PDE5A: variants seen among roughly 807,000 people sequenced by gnomAD.
PDE5A encodes the protein cGMP-specific 3',5'-cyclic phosphodiesterase.
Under a neutral mutation model 110.2 loss-of-function variants are expected in PDE5A, and 67 were observed. The observed-to-expected ratio is 0.61, with a 90% confidence interval of 0.50 to 0.75. The LOEUF (loss-of-function observed/expected upper bound fraction) is 0.75, where lower values mean the gene tolerates loss of function less well. Ranked by LOEUF, PDE5A falls within the 30% of genes least tolerant of loss-of-function variation. The pLI is 0.00. For missense variants in PDE5A, 862 were observed against 1,045.1 expected, an observed-to-expected ratio of 0.82 and a Z score of 2.42; for synonymous variants, 328 against 351.2, an observed-to-expected ratio of 0.93 and a Z score of 0.74.
chr4:119,540,533 C>G (rs1726891235), intron 10 of PDE5A, among the ~76,000 whole-genome samples: 1 of 151,964 alleles, frequency 6.6e-6, no homozygotes, highest in Non-Finnish European at 1.5e-5. Context: ...ATGAGTTAGA[C>G]TAATATTAAC....
At chr4:119,611,105 T>C (rs967023887) in intron 1 of PDE5A, among the ~76,000 whole-genome samples, 1 of 152,200 alleles carries the variant, frequency 6.6e-6, no homozygotes, top group African/African-American at 2.4e-5. Flanking sequence ...TCTCCCCTCA[T>C]TGGCACATGG....
At chr4:119,610,993 C>T (rs1222202261) in intron 1 of PDE5A, among the ~76,000 whole-genome samples, 2 of 152,156 alleles carry the variant, frequency 1.3e-5, no homozygotes, top group African/African-American at 4.8e-5. Flanking sequence ...GAGAATAAAA[C>T]CTGAGCTCTT....
intron 2 of PDE5A, among the ~76,000 whole-genome samples, chr4:119,605,088 G>C (rs1729481744): frequency 6.6e-6 from 1 of 151,982 alleles, no homozygotes; most frequent in Non-Finnish European, 1.5e-5. Flanking sequence ...AAATCATACT[G>C]GTTCCCCTTT....
intron 20 of PDE5A, 138 bp downstream of exon 20, chr4:119,501,032 A>AAAAG (rs1363870478): frequency 2.0e-5 from 12 of 599,040 alleles, no homozygotes; most frequent in Non-Finnish European, 2.6e-5. Flanking sequence ...GTTCATCAGT[A>AAAAG]AAAGAAACCA....
At chr4:119,576,903 G>T (rs1240766582) in intron 3 of PDE5A, among the ~76,000 whole-genome samples, 2 of 152,086 alleles carry the variant, frequency 1.3e-5, no homozygotes, top group Non-Finnish European at 2.9e-5. Context: ...CCAGGAGCTG[G>T]TTTTTTGAAA....
rs201245238 is a variant in PDE5A at position 119,560,307 on chromosome 4, A to G, written c.1188T>C (p.Asp396=). The part of the protein sequence containing the change: ...MECEELEKSS[D]TLTREHDANK... ...ATACGTGCTTTTACCTTGTTAATGT[A>G]TCAGATGATTTTTCTAATTCCTCAC... Residue 396 remains aspartate (D), a synonymous_variant, in exon 7 of 21, where the codon GAT becomes GAC. Coordinates refer to ENST00000354960, the MANE Select transcript of PDE5A (RefSeq NM_001083.4). 7 of 1,579,608 alleles carry G rather than the reference A, an allele frequency of 4.4e-6. No homozygotes were observed. The highest frequency in any genetic ancestry group is 6.0e-6 in the Non-Finnish European group (7 of 1,159,326).
intron 3 of PDE5A, among the ~76,000 whole-genome samples, chr4:119,594,788 G>C (rs762934307): frequency 6.6e-6 from 1 of 152,188 alleles, no homozygotes; most frequent in African/African-American, 2.4e-5. Context: ...TGACTACTGA[G>C]AAGTAACTGA....
chr4:119,587,594 C>A (rs1728808938), intron 3 of PDE5A, among the ~76,000 whole-genome samples: 1 of 152,116 alleles, frequency 6.6e-6, no homozygotes, highest in South Asian at 2.1e-4. Context: ...CCTTGTTAGC[C>A]AGGATGGTCT....
chr4:119,563,574 G>T (rs895324038), intron 5 of PDE5A, among the ~76,000 whole-genome samples: 2 of 152,062 alleles, frequency 1.3e-5, no homozygotes, highest in Non-Finnish European at 2.9e-5. Flanking sequence ...AATCATTCAG[G>T]TGAAATAGGG....
chr4:119,510,314 A>G (rs10008791), intron 15 of PDE5A, among the ~76,000 whole-genome samples: 1 of 151,874 alleles, frequency 6.6e-6, no homozygotes, highest in African/African-American at 2.4e-5. Context: ...GAATTAGCCC[A>G]ACTGAGTAAA....
At chr4:119,509,787 G>A (rs565881985) in intron 15 of PDE5A, among the ~76,000 whole-genome samples, 7 of 151,970 alleles carry the variant, frequency 4.6e-5, no homozygotes, top group South Asian at 4.1e-4. Flanking sequence ...ATTCCTCCCC[G>A]ACACTGAGGT....
intron 3 of PDE5A, among the ~76,000 whole-genome samples, chr4:119,579,347 C>A (rs966985738): frequency 1.3e-5 from 2 of 152,088 alleles, no homozygotes; most frequent in Admixed American, 6.6e-5. Context: ...GGGTATATAC[C>A]CAAAGGATTA....
intron 9 of PDE5A, chr4:119,548,300 G>A (rs949579542): frequency 2.6e-5 from 4 of 151,438 alleles, no homozygotes; most frequent in Non-Finnish European, 5.9e-5. Flanking sequence ...CGCCCGCCTC[G>A]GCCTCCCAAA....
chr4:119,541,087 G>A (rs920212103), intron 10 of PDE5A, among the ~76,000 whole-genome samples: 4 of 152,116 alleles, frequency 2.6e-5, no homozygotes, highest in South Asian at 2.1e-4. Context: ...AGAGGAGTGC[G>A]GTGGGAATGG....
At chr4:119,544,991 A>G (rs1025368803) in intron 9 of PDE5A, among the ~76,000 whole-genome samples, 4 of 151,952 alleles carry the variant, frequency 2.6e-5, no homozygotes, top group African/African-American at 7.2e-5. Context: ...ATATAGATCT[A>G]TAGGCACAGA....
rs895942119 is a variant in PDE5A, at chr4:119,627,037, T to C, written c.152+1483A>G. 2.5e-6 allele frequency: 3 copies of C among 1,210,428 alleles called. No individual in the cohort carries two copies. The African/African-American group carries it at 4.5e-5, about 18-fold the overall frequency. The allele number at this position is 1,210,428 out of a possible 1,614,324, so 75.0% of individuals were successfully genotyped here. On this transcript the variant is annotated intron_variant, in intron 1 of 20. Coordinates refer to ENST00000354960, the MANE Select transcript of PDE5A (RefSeq NM_001083.4). The surrounding 1 kb of genome is among the most constrained non-coding windows in gnomAD (Gnocchi z 4.6). The stretch of plus-strand genomic sequence containing the variant: ...ACAACAAAAGTTATACAGTCAATTT[T>C]CAATGATACATCGTCCCACTGGTGC...
intron 14 of PDE5A, among the ~76,000 whole-genome samples, chr4:119,518,651 G>A (rs1193166287): frequency 2.0e-5 from 3 of 152,174 alleles, no homozygotes; most frequent in African/African-American, 7.2e-5. Context: ...AAGACCAAAA[G>A]CCTCCTTCTA....
At chr4:119,539,044 G>C (rs1237641887) in intron 10 of PDE5A, 25 bp from the exon 11 acceptor site, 9 of 1,580,962 alleles carry the variant, frequency 5.7e-6, no homozygotes, top group Non-Finnish European at 7.8e-6. Context: ...AAGAAGTCCA[G>C]GTTACACAGG....
chr4:119,501,347 G>T (rs1725324520), intron 19 of PDE5A, 94 bp from the exon 20 acceptor site: 12 of 765,892 alleles, frequency 1.6e-5, no homozygotes, highest in Non-Finnish European at 2.6e-5. Context: ...GTCTCACTCT[G>T]TTGTCCAGGC....
Sources: allele counts gnomAD v4.1 joint callset (sites outside exome capture counted in the v4.1 genomes callset), GRCh38; gene constraint gnomAD v4.1.1; non-coding constraint Gnocchi (gnomAD v3.1); transcripts MANE v1.5; gene names NCBI Gene and HGNC (gene_info 2026-07-23, HGNC 2026-07-21).